DHX35: variants seen among roughly 807,000 people sequenced by gnomAD.
The protein encoded by DHX35 is DEAH-box helicase 35, also known as probable ATP-dependent RNA helicase DHX35.
Under a neutral mutation model 99.6 loss-of-function variants are expected in DHX35, and 84 were observed. The observed-to-expected ratio is 0.84, with a 90% CI of 0.71 to 1.01. DHX35 has a LOEUF of 1.01. Ranked by LOEUF, DHX35 falls within the 50% of genes least tolerant of loss-of-function variation. The pLI is 0.00. For synonymous variants in DHX35, 331 were observed against 316.2 expected (o/e 1.05, Z -0.50); for missense variants, 852 against 888.5 (o/e 0.96, Z 0.52).
intron 15 of DHX35, among the ~76,000 whole-genome samples, chr20:39,020,250 C>G (rs979745360): frequency 3.3e-5 from 5 of 152,154 alleles, no homozygotes; most frequent in African/African-American, 9.7e-5. Flanking sequence ...GTTTCAGTTC[C>G]TTTGCATATA....
chr20:38,980,237 T>A (rs1445509899), intron 3 of DHX35, among the ~76,000 whole-genome samples: 1 of 152,146 alleles, frequency 6.6e-6, no homozygotes, highest in Admixed American at 6.5e-5. Flanking sequence ...ATTGGCTATG[T>A]GTGTTTGAAG....
intron 1 of DHX35, among the ~76,000 whole-genome samples, chr20:38,964,295 G>T (rs2085878208): frequency 6.6e-6 from 1 of 152,224 alleles, no homozygotes; most frequent in South Asian, 2.1e-4. Flanking sequence ...AAATAACAGA[G>T]CAGTGTGATA....
rs1035106884 is a variant in DHX35 at position 39,038,670 on chromosome 20, C to A, written c.*127C>A. Reference sequence around the variant, plus strand: ...TGTTTGGTTGCTCTGAAGTGGGCTGCGGCCTGTTCATTAGTCCTTTCTTCC... The same window carrying A: ...TGTTTGGTTGCTCTGAAGTGGGCTGAGGCCTGTTCATTAGTCCTTTCTTCC... On this transcript the variant is annotated 3_prime_UTR_variant, in exon 22 of 22. Coordinates refer to ENST00000252011, the MANE Select transcript of DHX35 (RefSeq NM_021931.4). 4.3e-6 allele frequency: 4 copies of A among 927,814 alleles called. No individual in the cohort carries two copies. Among genetic ancestry groups the A allele is most frequent in the African/African-American group, 1.7e-5 (1 of 60,236 alleles). The allele number at this position is 927,814 out of a possible 1,614,324, so 57.5% of individuals were successfully genotyped here.
intron 1 of DHX35, among the ~76,000 whole-genome samples, chr20:38,963,779 G>C (rs2085870189): frequency 6.6e-6 from 1 of 152,206 alleles, no homozygotes; most frequent in Admixed American, 6.5e-5. Context: ...AAATACAGAT[G>C]CTCAGGGCTC....
In DHX35 at chr20:38,991,577, G is replaced by A. The variant is rs574690884; in HGVS notation, c.512+62G>A. On this transcript the variant is annotated intron_variant, in intron 6 of 21. Coordinates refer to ENST00000252011, the MANE Select transcript of DHX35 (RefSeq NM_021931.4). ...CCAAAGTCCCCAGGTAGACGGAGAAGCAGGTGTGTTAGTAGCTGGGATTCA... is the reference window on the plus strand; with the variant it reads ...CCAAAGTCCCCAGGTAGACGGAGAAACAGGTGTGTTAGTAGCTGGGATTCA... 2.1e-5 allele frequency: 31 copies of A among 1,482,540 alleles called. 1 individual carries two copies. In the South Asian group the frequency reaches 3.5e-4, roughly 17 times the overall value. The allele number at this position is 1,482,540 out of a possible 1,614,324, so 91.8% of individuals were successfully genotyped here. A position where few individuals can be genotyped will look rare whatever the true frequency, so the allele number is the denominator to read the frequency against.
chr20:39,031,682 T>A (rs983998605), intron 20 of DHX35, among the ~76,000 whole-genome samples: 3 of 152,134 alleles, frequency 2.0e-5, no homozygotes, highest in African/African-American at 7.2e-5. Flanking sequence ...GTCAACTACC[T>A]TAGGGGAAGG....
intron 1 of DHX35, among the ~76,000 whole-genome samples, chr20:38,968,296 G>A (rs2085939907): frequency 6.6e-6 from 1 of 152,166 alleles, no homozygotes; most frequent in Non-Finnish European, 1.5e-5. Context: ...CCTGCAAGAC[G>A]TGCCAAGATG....
chr20:38,991,942 A>T (rs2086344875), intron 6 of DHX35, among the ~76,000 whole-genome samples: 1 of 152,152 alleles, frequency 6.6e-6, no homozygotes, highest in Non-Finnish European at 1.5e-5. Flanking sequence ...AGAGTGTCAC[A>T]TTTGACCCCC....
At chr20:39,029,747 A>T (rs180757807) in intron 19 of DHX35, 1 of 152,130 alleles carries the variant, frequency 6.6e-6, no homozygotes, top group Non-Finnish European at 1.5e-5. Flanking sequence ...CTTAGCAACA[A>T]TGTGGGCTAC....
rs779264288 is a variant in DHX35 at position 38,994,894 on chromosome 20, C to T, written c.642+14C>T. 1.2e-6 allele frequency: 2 copies of T among 1,611,446 alleles called. No homozygotes were observed. The highest frequency in any genetic ancestry group is 1.7e-6 in the Non-Finnish European group (2 of 1,177,746). ...CTGGATGCAGACGTAAGAGCCTTGCCTCCCCTTTCCTCCTCTCCTCACAAA... is the reference window on the plus strand; with the variant it reads ...CTGGATGCAGACGTAAGAGCCTTGCTTCCCCTTTCCTCCTCTCCTCACAAA... On this transcript the variant is annotated intron_variant, in intron 8 of 21. Transcript: ENST00000252011.
intron 4 of DHX35, among the ~76,000 whole-genome samples, chr20:38,986,032 T>G (rs1162039699): frequency 6.6e-6 from 1 of 152,198 alleles, no homozygotes; most frequent in Non-Finnish European, 1.5e-5. Flanking sequence ...CCCTGACCTG[T>G]GATTCAGAAT....
intron 20 of DHX35, among the ~76,000 whole-genome samples, chr20:39,032,210 G>T (rs2087065835): frequency 6.6e-6 from 1 of 152,230 alleles, no homozygotes; most frequent in South Asian, 2.1e-4. Context: ...TTGAGACAGT[G>T]TCTCAATCTG....
chr20:38,972,166 C>T (rs79703786), intron 2 of DHX35, among the ~76,000 whole-genome samples: 21,612 of 151,876 alleles, frequency 0.14, 1,690 homozygotes, highest in East Asian at 0.29. Context: ...CTTTCCACTG[C>T]GCCCAGCTAA....
intron 16 of DHX35, 88 bp from the exon 17 acceptor site, chr20:39,023,602 C>T (rs979436555): frequency 5.7e-5 from 74 of 1,295,424 alleles, no homozygotes; most frequent in Admixed American, 1.4e-4. Context: ...ATCCTCCCAC[C>T]TTAGCCTCAC....
intron 3 of DHX35, among the ~76,000 whole-genome samples, chr20:38,976,543 A>C (rs2145845621): frequency 6.6e-6 from 1 of 152,166 alleles, no homozygotes; most frequent in South Asian, 2.1e-4. Flanking sequence ...TATAATGATC[A>C]AATCTGGGTC....
At chr20:38,996,318 A>C (rs1184496622) in intron 8 of DHX35, among the ~76,000 whole-genome samples, 2 of 152,158 alleles carry the variant, frequency 1.3e-5, no homozygotes, top group East Asian at 3.8e-4. Flanking sequence ...GTCTTATTTT[A>C]TCTCTTCCAC....
rs768493277 is a variant in DHX35 at position 38,983,726 on chromosome 20, G to A, written c.295G>A (p.Glu99Lys). 5.6e-6 allele frequency: 9 copies of A among 1,614,158 alleles called. No individual in the cohort carries two copies. The highest frequency in any genetic ancestry group is 5.9e-6 in the Non-Finnish European group (7 of 1,179,992). The stretch of plus-strand genomic sequence containing the variant: ...CCTTGCAGAAGCCGGCTGGACAGCT[G>A]AAGGAAGAGTGGTAGGAGTGACCCA... ...QYLAEAGWTA[E>K]GRVVGVTQPR... Residue 99 changes from glutamate to lysine, a missense_variant, in exon 4 of 22, where the codon GAA becomes AAA. Physicochemically the swap from Glu to Lys is moderately conservative, Grantham distance 56. Transcript: ENST00000252011.
chr20:39,022,495 G>C (rs1600439543), intron 16 of DHX35, among the ~76,000 whole-genome samples: 1 of 152,146 alleles, frequency 6.6e-6, no homozygotes, highest in East Asian at 1.9e-4. Context: ...GAGAGGTTAG[G>C]TAACTCATTC....
intron 1 of DHX35, among the ~76,000 whole-genome samples, chr20:38,964,106 G>A (rs572826953): frequency 3.9e-4 from 59 of 152,214 alleles, no homozygotes; most frequent in Non-Finnish European, 7.4e-4. Flanking sequence ...TGGAAGTATG[G>A]AAGAGGGAGG....
Sources: gnomAD v4.1 joint callset for allele counts (sites outside exome capture counted in the v4.1 genomes callset) on GRCh38, gnomAD v4.1.1 for gene constraint, MANE v1.5 for transcripts, NCBI Gene and HGNC (gene_info 2026-07-23, HGNC 2026-07-21) for gene names.